Variants in SLC25A26 observed in about 807,000 individuals in gnomAD.
SLC25A26 encodes solute carrier family 25 member 26, also known as mitochondrial S-adenosylmethionine carrier protein.
A neutral mutation model predicts 37.8 loss-of-function variants in SLC25A26; 36 were observed. The ratio of observed to expected loss-of-function variants is 0.95; its 90% CI spans 0.73 to 1.26. The LOEUF (loss-of-function observed/expected upper bound fraction) is 1.26, where lower values mean the gene tolerates loss of function less well. SLC25A26 is among the 50% of genes most tolerant of loss of function. The probability of loss-of-function intolerance (pLI) is 0.00; values close to 1 mark genes in which losing one functional copy is unlikely to be tolerated. For synonymous variants in SLC25A26, 129 were observed against 122.5 expected (o/e 1.05, Z -0.35); for missense variants, 390 against 331.1 (o/e 1.18, Z -1.38).
At chr3:66,302,724 G>A (rs2075111793) in intron 5 of SLC25A26, among the ~76,000 whole-genome samples, 1 of 152,202 alleles carries the variant, frequency 6.6e-6, no homozygotes, top group Non-Finnish European at 1.5e-5. Flanking sequence ...GGGCAGGTGT[G>A]CTTGTGTATT....
intron 8 of SLC25A26, 148 bp from the exon 9 acceptor site, chr3:66,370,381 G>GTT (rs1700279880): frequency 2.8e-6 from 2 of 723,736 alleles, no homozygotes; most frequent in Non-Finnish European, 4.9e-6. Context: ...GAGCGAGCCA[G>GTT]GTCCTGATTG....
At chr3:66,322,530 G>T (rs189111616) in intron 5 of SLC25A26, among the ~76,000 whole-genome samples, 1 of 152,316 alleles carries the variant, frequency 6.6e-6, no homozygotes, top group Non-Finnish European at 1.5e-5. Flanking sequence ...AACTGAGGTT[G>T]CATTGGCATT....
Position 66,305,425 on chromosome 3 carries a change from A to G in SLC25A26, c.454-40939A>G, listed in dbSNP as rs553909132. Among the ~76,000 whole-genome samples the G allele has an allele frequency of 3.4e-4, 52 of 152,316 alleles. 1 individual carries two copies. The highest frequency in any genetic ancestry group is 1.3e-3 in the African/African-American group (52 of 41,586). ...TGTTAACAGATATCAAATTTTTTAT[A>G]TTAGGGATTGAAGGACTTTTATTTA... On this transcript the variant is annotated intron_variant, in intron 5 of 9. Coordinates refer to ENST00000354883, the MANE Select transcript of SLC25A26 (RefSeq NM_001379210.1).
At chr3:66,300,256 GTTT>G (rs916553948) in intron 5 of SLC25A26, among the ~76,000 whole-genome samples, 1 of 116,658 alleles carries the variant, frequency 8.6e-6, no homozygotes, top group African/African-American at 3.0e-5. Flanking sequence ...TTTTTGTTTT[GTTT>G]TTTTTTTTTT....
At chr3:66,295,537 G>A (rs2074871847) in intron 5 of SLC25A26, among the ~76,000 whole-genome samples, 1 of 152,022 alleles carries the variant, frequency 6.6e-6, no homozygotes, top group South Asian at 2.1e-4. Context: ...GAGTAGCTGG[G>A]ACTACAGGTG....
At chr3:66,186,394 C>T (rs1212092573) in intron 1 of SLC25A26, among the ~76,000 whole-genome samples, 2 of 151,928 alleles carry the variant, frequency 1.3e-5, no homozygotes, top group African/African-American at 4.8e-5. Flanking sequence ...GAAATCTGAC[C>T]ATGATGACAC....
intron 2 of SLC25A26, among the ~76,000 whole-genome samples, chr3:66,241,722 C>T (rs919796006): frequency 3.9e-5 from 6 of 151,966 alleles, no homozygotes; most frequent in East Asian, 1.9e-4. Flanking sequence ...CTATTGGTTA[C>T]GGTTTTAATC....
intron 1 of SLC25A26, among the ~76,000 whole-genome samples, chr3:66,188,401 A>G (rs1410100948): frequency 1.3e-5 from 2 of 152,164 alleles, no homozygotes; most frequent in African/African-American, 4.8e-5. Flanking sequence ...TAAATCCCTC[A>G]TGAACAGATT....
At chr3:66,356,229 G>C in intron 6 of SLC25A26, 1 of 373,770 alleles carries the variant, frequency 2.7e-6, no homozygotes, top group South Asian at 2.1e-5. Context: ...ACTTGGTCTG[G>C]GGTTGGACTC....
At chr3:66,300,416 G>T (rs773288333) in intron 5 of SLC25A26, among the ~76,000 whole-genome samples, 2 of 151,984 alleles carry the variant, frequency 1.3e-5, no homozygotes, top group African/African-American at 2.4e-5. Context: ...CTTTTCCAAA[G>T]GAAATAATTG....
chr3:66,143,285 T>C (rs932717589), intron 1 of SLC25A26, among the ~76,000 whole-genome samples: 1 of 152,232 alleles, frequency 6.6e-6, no homozygotes, highest in Non-Finnish European at 1.5e-5. Context: ...TCGTGAATAG[T>C]GCTGGTATAA....
intron 5 of SLC25A26, among the ~76,000 whole-genome samples, chr3:66,325,097 T>G (rs1020025428): frequency 2.0e-5 from 3 of 152,224 alleles, no homozygotes; most frequent in Non-Finnish European, 4.4e-5. Flanking sequence ...TTGACAACCC[T>G]TGCCTTATCT....
chr3:66,159,401 C>T (rs1187975632), intron 1 of SLC25A26, among the ~76,000 whole-genome samples: 1 of 152,160 alleles, frequency 6.6e-6, no homozygotes, highest in Admixed American at 6.5e-5. Context: ...GTTTTACAGA[C>T]TGGAAGAAAA....
At chr3:66,318,333 G>A (rs1428500353) in intron 5 of SLC25A26, among the ~76,000 whole-genome samples, 1 of 152,198 alleles carries the variant, frequency 6.6e-6, no homozygotes, top group Non-Finnish European at 1.5e-5. Flanking sequence ...CTGCTGATCT[G>A]TGGATTGCAA....
At chr3:66,238,520 T>A (rs138604799) in intron 2 of SLC25A26, among the ~76,000 whole-genome samples, 2,255 of 152,114 alleles carry the variant, frequency 0.015, 30 homozygotes, top group Middle Eastern at 0.11. Flanking sequence ...GTAGCTGGGA[T>A]TACAGGCACA....
chr3:66,368,229 C>T (rs935434296), intron 7 of SLC25A26, among the ~76,000 whole-genome samples: 2 of 152,178 alleles, frequency 1.3e-5, no homozygotes. Flanking sequence ...GCCCTTATAA[C>T]ACTGCCTCTT....
intron 6 of SLC25A26, among the ~76,000 whole-genome samples, chr3:66,358,899 C>G (rs540962361): frequency 5.9e-5 from 9 of 152,284 alleles, no homozygotes; most frequent in African/African-American, 1.9e-4. Context: ...GTGGGAAGTT[C>G]TGTATGTTCT....
intron 1 of SLC25A26, among the ~76,000 whole-genome samples, chr3:66,195,454 A>T (rs2071029856): frequency 6.6e-6 from 1 of 152,218 alleles, no homozygotes; most frequent in African/African-American, 2.4e-5. Context: ...TAACGGGGAG[A>T]TCTGCTGCAT....
intron 1 of SLC25A26, among the ~76,000 whole-genome samples, chr3:66,212,885 C>G (rs2071305156): frequency 6.6e-6 from 1 of 151,998 alleles, no homozygotes; most frequent in African/African-American, 2.4e-5. Flanking sequence ...TTTTGTGTAC[C>G]CATTCATTTG....
Sources: gnomAD v4.1 joint callset for allele counts (sites outside exome capture counted in the v4.1 genomes callset) on GRCh38, gnomAD v4.1.1 for gene constraint, MANE v1.5 for transcripts, NCBI Gene and HGNC (gene_info 2026-07-23, HGNC 2026-07-21) for gene names.